NTN4: variants seen among roughly 807,000 people sequenced by gnomAD.
NTN4 encodes netrin 4.
In NTN4, 32 loss-of-function variants were observed where a neutral mutation model predicts 73.6. That is an observed-to-expected ratio of 0.44 (90% CI 0.33 to 0.58). NTN4 has a LOEUF of 0.58. Ranked by LOEUF, NTN4 falls within the 20% of genes least tolerant of loss-of-function variation. The probability of loss-of-function intolerance (pLI) is 0.04; values close to 1 mark genes in which losing one functional copy is unlikely to be tolerated. For missense variants in NTN4, 654 were observed against 798.3 expected, an observed-to-expected ratio of 0.82 and a Z score of 2.18; for synonymous variants, 258 against 287.5, an observed-to-expected ratio of 0.90 and a Z score of 1.04.
Position 95,781,159 on chromosome 12 carries a change from T to A in NTN4, c.585+5780A>T, listed in dbSNP as rs921724524. 2.6e-5 allele frequency among the ~76,000 whole-genome samples: 4 copies of A among 151,890 alleles called. No individual in the cohort carries two copies. Among genetic ancestry groups the A allele is most frequent in the Non-Finnish European group, 5.9e-5 (4 of 67,988 alleles). On this transcript the variant is annotated intron_variant, in intron 2 of 9. Transcript: ENST00000343702. The surrounding 1 kb of genome is among the most constrained non-coding windows in gnomAD (Gnocchi z 4.1). Reference sequence around the variant, plus strand: ...CACACACCGGGGCCTGTTGTGGGGTTGGGGGAGCAGGGAGGGATAGCATTA... The same window carrying A: ...CACACACCGGGGCCTGTTGTGGGGTAGGGGGAGCAGGGAGGGATAGCATTA...
At chr12:95,744,387 CTTTATA>C (rs1363144944) in intron 2 of NTN4, among the ~76,000 whole-genome samples, 3 of 152,092 alleles carry the variant, frequency 2.0e-5, no homozygotes, top group Non-Finnish European at 4.4e-5. Flanking sequence ...TTAGCTATAT[CTTTATA>C]TTTAAAGTGA....
At chr12:95,671,930 A>T (rs888379297) in intron 7 of NTN4, among the ~76,000 whole-genome samples, 2 of 152,036 alleles carry the variant, frequency 1.3e-5, no homozygotes, top group Non-Finnish European at 2.9e-5. Context: ...GTGCTTACTG[A>T]GGAGCACTTA....
chr12:95,695,678 A>G (rs908400242), intron 5 of NTN4, among the ~76,000 whole-genome samples: 2 of 152,142 alleles, frequency 1.3e-5, no homozygotes, highest in Non-Finnish European at 2.9e-5. Context: ...AATGCTTGCT[A>G]TGTGACTACT....
intron 7 of NTN4, chr12:95,672,940 G>C: frequency 8.9e-7 from 1 of 1,121,932 alleles, no homozygotes; most frequent in Non-Finnish European, 1.4e-6. Flanking sequence ...CCTGCTGACT[G>C]GTATTCCCAT....
At chr12:95,738,170 C>T (rs371192471) in intron 2 of NTN4, 26 bp from the exon 3 acceptor site, 16 of 1,592,878 alleles carry the variant, frequency 1.0e-5, no homozygotes, top group African/African-American at 5.4e-5. Context: ...AAATACCATG[C>T]GTTTATAGGA....
chr12:95,771,270 T>C (rs563907289), intron 2 of NTN4, among the ~76,000 whole-genome samples: 1 of 152,304 alleles, frequency 6.6e-6, no homozygotes, highest in South Asian at 2.1e-4. Context: ...ATTACAGGCG[T>C]GAGCCACCGC....
intron 5 of NTN4, among the ~76,000 whole-genome samples, chr12:95,687,412 G>GT (rs71435780): frequency 9.6e-6 from 1 of 104,496 alleles, no homozygotes; most frequent in East Asian, 3.0e-4. Flanking sequence ...TTGTTTTTTT[G>GT]TTTTTTGTGA....
chr12:95,710,245 T>G (rs577089645), intron 5 of NTN4, among the ~76,000 whole-genome samples, 196 bp downstream of exon 5: 12 of 152,216 alleles, frequency 7.9e-5, no homozygotes, highest in Non-Finnish European at 1.3e-4. Context: ...GAAATTACTT[T>G]GATGAATATT....
chr12:95,734,551 G>A (rs1392570674), intron 3 of NTN4, among the ~76,000 whole-genome samples: 2 of 152,168 alleles, frequency 1.3e-5, no homozygotes, highest in African/African-American at 2.4e-5. Flanking sequence ...CAAAAGAACA[G>A]CATTTCTTAA....
intron 2 of NTN4, 70 bp downstream of exon 2, chr12:95,786,869 T>TA (rs372779502): frequency 5.9e-4 from 706 of 1,204,104 alleles, no homozygotes; most frequent in Non-Finnish European, 7.2e-4. Flanking sequence ...CTTCATGCTT[T>TA]AAAAAAAAAT....
intron 5 of NTN4, among the ~76,000 whole-genome samples, chr12:95,690,390 A>G (rs559585373): frequency 1.3e-5 from 2 of 152,328 alleles, no homozygotes; most frequent in African/African-American, 4.8e-5. Context: ...CCAAGATTTT[A>G]AAGATCTTTA....
chr12:95,659,176 T>C lies in NTN4; in HGVS notation c.1797A>G (p.Lys599=), dbSNP rs770212179. The stretch of plus-strand genomic sequence containing the variant: ...CAAAGCTTTTCATATTCACAATTAG[T>C]TTGCCTGTTCTTATATCCTCATGTC... ...VAGHEDIRTG[K]LIVNMKSFVQ... The change falls in exon 10 of 10, where the codon AAA becomes AAG. Residue 599 remains lysine, a synonymous_variant. Coordinates refer to ENST00000343702, the MANE Select transcript of NTN4 (RefSeq NM_021229.4). 6.2e-7 allele frequency: 1 copy of C among 1,613,836 alleles called. No homozygotes were observed. The highest frequency in any genetic ancestry group is 8.5e-7 in the Non-Finnish European group (1 of 1,179,846).
Position 95,781,676 on chromosome 12 carries a change from ATTTG to A in NTN4, c.585+5259_585+5262del, listed in dbSNP as rs1389084887. 1.3e-5 allele frequency among the ~76,000 whole-genome samples: 2 copies of A among 152,200 alleles called. No homozygotes were observed. Among genetic ancestry groups the A allele is most frequent in the Non-Finnish European group, 2.9e-5 (2 of 68,044 alleles). On this transcript the variant is annotated intron_variant, in intron 2 of 9. Transcript: ENST00000343702. The surrounding 1 kb of genome is among the most constrained non-coding windows in gnomAD (Gnocchi z 4.1). ...CTTACCATGTCATTTCTATTTCTCC[ATTTG>A]TTTATGTTCCCCATTTCTTTTTTCT...
chr12:95,766,489 AC>A (rs2079022332), intron 2 of NTN4, among the ~76,000 whole-genome samples: 1 of 152,182 alleles, frequency 6.6e-6, no homozygotes, highest in Admixed American at 6.5e-5. Context: ...TTTGGATACA[AC>A]AAGTTTTTTA....
chr12:95,762,732 C>T (rs1455838184), intron 2 of NTN4, among the ~76,000 whole-genome samples: 1 of 152,174 alleles, frequency 6.6e-6, no homozygotes, highest in East Asian at 1.9e-4. Flanking sequence ...TCCTTCTGCT[C>T]ATGGAGTAGA....
intron 5 of NTN4, among the ~76,000 whole-genome samples, chr12:95,701,877 A>G (rs1046473296): frequency 6.6e-6 from 1 of 152,192 alleles, no homozygotes; most frequent in African/African-American, 2.4e-5. Context: ...ATGAATCAAC[A>G]TGCCCAGGTA....
intron 1 of NTN4, among the ~76,000 whole-genome samples, chr12:95,788,699 T>C (rs1380557151): frequency 6.6e-6 from 1 of 152,204 alleles, no homozygotes; most frequent in Non-Finnish European, 1.5e-5. Flanking sequence ...CACGAAGCCT[T>C]GCAACTAAAG....
intron 2 of NTN4, among the ~76,000 whole-genome samples, chr12:95,778,603 C>T (rs1340609897): frequency 6.6e-6 from 1 of 152,182 alleles, no homozygotes; most frequent in Non-Finnish European, 1.5e-5. Flanking sequence ...CCTCCCAAGA[C>T]TAAACCATGA....
At chr12:95,756,441 G>A (rs930288841) in intron 2 of NTN4, among the ~76,000 whole-genome samples, 8 of 152,108 alleles carry the variant, frequency 5.3e-5, no homozygotes, top group African/African-American at 1.9e-4. Context: ...TTGGTGTGTC[G>A]CTTTTTGTTG....
Sources: gnomAD v4.1 joint callset for allele counts (sites outside exome capture counted in the v4.1 genomes callset) on GRCh38, gnomAD v4.1.1 for gene constraint, Gnocchi (gnomAD v3.1) non-coding constraint, MANE v1.5 for transcripts, NCBI Gene and HGNC (gene_info 2026-07-23, HGNC 2026-07-21) for gene names.